Variants in BUD13 observed in about 807,000 individuals in gnomAD.
BUD13 encodes the protein BUD13 homolog.
BUD13 carries 47 observed loss-of-function variants against 62.5 expected under a neutral mutation model. The observed-to-expected ratio is 0.75, with a 90% CI of 0.60 to 0.96. The LOEUF is 0.96. BUD13 is among the 40% of genes least tolerant of loss of function. The probability of loss-of-function intolerance (pLI) is 0.00; values close to 1 mark genes in which losing one functional copy is unlikely to be tolerated. For synonymous variants in BUD13, 293 were observed against 280.1 expected (o/e 1.05, Z -0.46); for missense variants, 821 against 790.9 (o/e 1.04, Z -0.46).
Position 116,762,259 on chromosome 11 carries a change from G to A in BUD13, c.1036+294C>T, listed in dbSNP as rs7942054. Among the ~76,000 whole-genome samples, 27,565 of 152,052 alleles carry A rather than the reference G, an allele frequency of 0.18. 2,767 individuals are homozygous for A. Among genetic ancestry groups the A allele is most frequent in the Non-Finnish European group, 0.22 (15,049 of 67,988 alleles). On this transcript the variant is annotated intron_variant, in intron 4 of 9. Coordinates refer to ENST00000260210, the MANE Select transcript of BUD13 (RefSeq NM_032725.4). ...CCTGGCCACAACACTAACAATAATT[G>A]CCTCTGAATGACAGAATTTTGTGTC...
At chr11:116,752,604 A>C (rs981618026) in intron 9 of BUD13, among the ~76,000 whole-genome samples, 1 of 152,212 alleles carries the variant, frequency 6.6e-6, no homozygotes, top group Non-Finnish European at 1.5e-5. Context: ...TGCTATAAAA[A>C]GATCTACTTC....
At chr11:116,765,044 C>T (rs1016673267) in intron 3 of BUD13, among the ~76,000 whole-genome samples, 2 of 152,178 alleles carry the variant, frequency 1.3e-5, no homozygotes, top group African/African-American at 4.8e-5. Flanking sequence ...TTCTTGTAAA[C>T]TCCTCCCAAA....
intron 9 of BUD13, among the ~76,000 whole-genome samples, chr11:116,756,840 C>T (rs1429623853): frequency 1.3e-5 from 2 of 152,162 alleles, no homozygotes; most frequent in Non-Finnish European, 2.9e-5. Context: ...TACAACTCAT[C>T]ACTCAACCCC....
chr11:116,759,066 ATT>A lies in BUD13; in HGVS notation c.1360+6_1360+7del. ...CCTAAATTGGTCTCTGCACTTTCAT[ATT>A]TTTACCTTCAAATGCCATGGTTTCT... On this transcript the variant is annotated splice_donor_region_variant and intron_variant, in intron 6 of 9. Coordinates refer to ENST00000260210, the MANE Select transcript of BUD13 (RefSeq NM_032725.4). 1.2e-6 allele frequency: 2 copies of A among 1,608,924 alleles called. No homozygotes were observed. Among genetic ancestry groups the A allele is most frequent in the Non-Finnish European group, 1.7e-6 (2 of 1,176,674 alleles).
At chr11:116,770,313 C>A in intron 1 of BUD13, 91 bp from the exon 2 acceptor site, 3 of 1,048,662 alleles carry the variant, frequency 2.9e-6, no homozygotes, top group South Asian at 1.6e-5. Context: ...GTTCAAAATC[C>A]TACAGGATCC....
intron 2 of BUD13, among the ~76,000 whole-genome samples, chr11:116,767,079 T>G (rs1276621718): frequency 6.6e-6 from 1 of 151,590 alleles, no homozygotes; most frequent in Non-Finnish European, 1.5e-5. Context: ...TCCCAGCTAT[T>G]TGGGAGGCTG....
At chr11:116,763,330 C>A (rs1015720615) in intron 3 of BUD13, 64 bp from the exon 4 acceptor site, 2 of 1,429,008 alleles carry the variant, frequency 1.4e-6, no homozygotes, top group Non-Finnish European at 1.9e-6. Flanking sequence ...CACCCCCACA[C>A]CCAGTTTCAA....
rs927476168 is a variant in BUD13 at position 116,748,228 on chromosome 11, G to A, written c.*254C>T. On this transcript the variant is annotated 3_prime_UTR_variant, in exon 10 of 10. Coordinates refer to ENST00000260210, the MANE Select transcript of BUD13 (RefSeq NM_032725.4). ...AAAAGAAAAAGAAAAACCCTACCAA[G>A]AACAAACCCTGGTCAATGAGAAATC... 3 of 428,042 alleles carry A rather than the reference G, an allele frequency of 7.0e-6. No individual in the cohort carries two copies. The highest frequency in any genetic ancestry group is 5.0e-5 in the South Asian group (1 of 20,074). The allele number at this position is 428,042 out of a possible 1,614,324, so 26.5% of individuals were successfully genotyped here. A position where few individuals can be genotyped will look rare whatever the true frequency, so the allele number is the denominator to read the frequency against.
intron 9 of BUD13, among the ~76,000 whole-genome samples, chr11:116,752,487 T>C (rs1349711066): frequency 1.4e-5 from 1 of 73,044 alleles, no homozygotes; most frequent in Non-Finnish European, 3.7e-5. Context: ...GAAGACAAAT[T>C]AAATACTAGT....
At chr11:116,770,091 C>T (rs1451730404) in intron 2 of BUD13, 38 bp downstream of exon 2, 22 of 1,395,554 alleles carry the variant, frequency 1.6e-5, no homozygotes, top group Non-Finnish European at 2.0e-5. Flanking sequence ...GAGAAGCTTG[C>T]TTCATTTCAA....
At position 116,772,960 on chromosome 11, in the gene BUD13, G is replaced by A. The variant is rs1358558345; in HGVS notation, c.5C>T (p.Ala2Val). ...GGCCTTGGAAAGCGGCGGAGCTGCC[G>A]CCATGGCAGCGGCGGGGGCAGAGAG... MAAAPPLSKAEY... is the reference protein window; with the variant it reads MVAAPPLSKAEY... The change falls in exon 1 of 10, where the codon GCG becomes GTG. Residue 2 changes from alanine (A) to valine (V), a missense_variant. Around this residue, in one of 2 missense-constraint regions of BUD13, gnomAD observed 800 missense variants for 739.2 expected, o/e 1.08. Coordinates refer to ENST00000260210, the MANE Select transcript of BUD13 (RefSeq NM_032725.4). 4 of 1,553,232 alleles carry A rather than the reference G, an allele frequency of 2.6e-6. No individual in the cohort carries two copies. Among genetic ancestry groups the A allele is most frequent in the Non-Finnish European group, 2.6e-6 (3 of 1,147,364 alleles).
chr11:116,767,873 T>C (rs1455476695), intron 2 of BUD13, among the ~76,000 whole-genome samples: 1 of 151,322 alleles, frequency 6.6e-6, no homozygotes, highest in Non-Finnish European at 1.5e-5. Flanking sequence ...CGTGCAGGAC[T>C]AAGGTAGGAG....
chr11:116,762,029 T>C (rs1940439486), intron 4 of BUD13, among the ~76,000 whole-genome samples: 1 of 152,134 alleles, frequency 6.6e-6, no homozygotes, highest in Admixed American at 6.5e-5. Context: ...AACTTAGAAA[T>C]AACCAAAAAC....
In BUD13 at chr11:116,768,847, C is replaced by CAA. The variant is rs571724215; in HGVS notation, c.237+1280_237+1281dup. The stretch of plus-strand genomic sequence containing the variant: ...TGAAACCCTGTCTCTACTAAAAATA[C>CAA]AAAAAAAAACACAAAAAATTAGCCG... On this transcript the variant is annotated intron_variant, in intron 2 of 9. Transcript: ENST00000260210. Among the ~76,000 whole-genome samples, 518 of 149,116 alleles carry CAA rather than the reference C, an allele frequency of 3.5e-3. 2 individuals carry two copies. The highest frequency in any genetic ancestry group is 0.012 in the African/African-American group (477 of 40,522).
intron 9 of BUD13, among the ~76,000 whole-genome samples, chr11:116,756,193 A>G (rs1054007131): frequency 6.6e-6 from 1 of 151,742 alleles, no homozygotes; most frequent in African/African-American, 2.4e-5. Flanking sequence ...CTCTGCCTCA[A>G]AAAAAAATAA....
chr11:116,762,696 G>T lies in BUD13; in HGVS notation c.893C>A (p.Thr298Asn). 3 of 1,614,220 alleles carry T rather than the reference G, an allele frequency of 1.9e-6. No homozygotes were observed. Among genetic ancestry groups the T allele is most frequent in the Non-Finnish European group, 2.5e-6 (3 of 1,180,036 alleles). ...GKAPERASSK[T>N]SPHWKESGAS... is the part of the protein sequence containing the mutation. ...TCCTGACTCCTTCCAATGTGGAGAA[G>T]TCTTGCTAGAGGCTCTTTCTGGGGC... The change falls in exon 4 of 10, where the codon ACT becomes AAT. Residue 298 changes from threonine (T) to asparagine (N), a missense_variant. Around this residue, in one of 2 missense-constraint regions of BUD13, gnomAD observed 800 missense variants for 739.2 expected, o/e 1.08. Coordinates refer to ENST00000260210, the MANE Select transcript of BUD13 (RefSeq NM_032725.4).
At chr11:116,757,647 A>G (rs1425791258) in intron 8 of BUD13, 119 bp downstream of exon 8, 1 of 1,291,460 alleles carries the variant, frequency 7.7e-7, no homozygotes, top group African/African-American at 1.5e-5. Context: ...ATCTAAACTC[A>G]CAAATACAAT....
intron 2 of BUD13, among the ~76,000 whole-genome samples, chr11:116,767,608 A>G (rs946820818): frequency 1.8e-4 from 28 of 151,500 alleles, no homozygotes; most frequent in Non-Finnish European, 3.5e-4. Context: ...AAAAAAAAAA[A>G]AAAAGAAACT....
intron 2 of BUD13, among the ~76,000 whole-genome samples, chr11:116,768,532 CT>C (rs909938743): frequency 2.6e-5 from 4 of 152,064 alleles, no homozygotes; most frequent in East Asian, 1.9e-4. Flanking sequence ...AAACTTTAAA[CT>C]TTTTTTAATT....
Sources: gnomAD v4.1 joint callset for allele counts (sites outside exome capture counted in the v4.1 genomes callset) on GRCh38, gnomAD v4.1.1 for gene constraint, gnomAD v4.1.1 regional missense constraint, MANE v1.5 for transcripts, NCBI Gene and HGNC (gene_info 2026-07-23, HGNC 2026-07-21) for gene names.